Variants in HPS6 observed in about 807,000 individuals in gnomAD.
HPS6 encodes BLOC-2 complex member HPS6.
HPS6 carries 46 observed loss-of-function variants against 53.6 expected under a neutral mutation model. The observed-to-expected ratio is 0.86, with a 90% confidence interval of 0.68 to 1.10. The LOEUF (loss-of-function observed/expected upper bound fraction) is 1.10, where lower values mean the gene tolerates loss of function less well. Ranked by LOEUF, HPS6 falls within the 50% of genes least tolerant of loss-of-function variation. The pLI is 0.00. For missense variants in HPS6, 1,034 were observed against 991.3 expected, an observed-to-expected ratio of 1.04 and a Z score of -0.58; for synonymous variants, 535 against 470.8, an observed-to-expected ratio of 1.14 and a Z score of -1.77.
In HPS6 at chr10:102,066,162, G is replaced by GC; in HGVS notation, c.692dup (p.Arg232ThrfsTer8). On this transcript the variant is annotated frameshift_variant, in exon 1 of 1. Transcript: ENST00000299238. LOFTEE classifies it high-confidence loss of function. ...AGGCAAGGGCAAAGTGATGGTGGCT[G>GC]CCCCACGGCTTGGTCTCTCCTACAG... 1 of 1,613,832 alleles carries GC rather than the reference G, an allele frequency of 6.2e-7. No individual in the cohort carries two copies. The highest frequency in any genetic ancestry group is 1.1e-5 in the South Asian group (1 of 91,080).
Position 102,067,545 on chromosome 10 carries a change from C to G in HPS6, c.2071C>G (p.Leu691Val). Residue 691 changes from leucine (L) to valine (V), a missense_variant, in exon 1 of 1, where the codon CTT (leucine) becomes GTT (valine). Physicochemically the swap from Leu to Val is conservative, Grantham distance 32. Transcript: ENST00000299238. ...CCGGCTTGATGCTCACCTCCCCCTC[C>G]TTTGCCGCCTGTGCCCACCAGAACT... The part of the protein sequence containing the change: ...HRRLDAHLPL[L>V]CRLCPPELAP... 6.2e-7 allele frequency: 1 copy of G among 1,613,746 alleles called. No individual in the cohort carries two copies. The highest frequency in any genetic ancestry group is 8.5e-7 in the Non-Finnish European group (1 of 1,180,046).
rs762013198 is a variant in HPS6, at chr10:102,067,284, C to T, written c.1810C>T (p.Leu604=). The change falls in exon 1 of 1, where the codon CTG becomes TTG. Residue 604 remains leucine (L), a synonymous_variant. Coordinates refer to ENST00000299238, the MANE Select transcript of HPS6 (RefSeq NM_024747.6). ...GGGGGCAGGGGGCCCAGGACTGCCC[C>T]TGTATCGCCGAGCTCTGGCAGTGCT... ...GWGAGGPGLP[L]YRRALAVLGE... is the part of the protein sequence containing the mutation. The T allele has an allele frequency of 6.2e-7, 1 of 1,613,006 alleles. No individual in the cohort carries two copies. The highest frequency in any genetic ancestry group is 1.1e-5 in the South Asian group (1 of 91,072).
Position 102,065,631 on chromosome 10 carries a change from GC to G in HPS6, c.161del (p.Pro54HisfsTer4). On this transcript the variant is annotated frameshift_variant, in exon 1 of 1. Transcript: ENST00000299238. LOFTEE classifies it high-confidence loss of function. The part of the protein sequence containing the change: ...LLLLRPPGAV[A>X]PQLLVASRGP... ...GCTCCTGCGACCCCCTGGGGCGGTA[GC>G]CCCACAGCTGCTAGTCGCGTCGCGA... 6.4e-7 allele frequency: 1 copy of G among 1,550,626 alleles called. No individual in the cohort carries two copies. Among genetic ancestry groups the G allele is most frequent in the Non-Finnish European group, 8.6e-7 (1 of 1,160,070 alleles).
At position 102,066,241 on chromosome 10, in the gene HPS6, G is replaced by C; in HGVS notation, c.767G>C (p.Arg256Pro). The C allele has an allele frequency of 1.9e-6, 3 of 1,613,900 alleles. No homozygotes were observed. Among genetic ancestry groups the C allele is most frequent in the Non-Finnish European group, 2.5e-6 (3 of 1,180,010 alleles). The change falls in exon 1 of 1, where the codon CGA becomes CCA. Residue 256 changes from arginine (R) to proline (P), a missense_variant. By Grantham distance (103) the Arg-to-Pro change is moderately radical. Transcript: ENST00000299238. ...ACATGGGACTTCCGGACCCTGCTCCGAGGCCTTCCTGGGTTGCTGTCCCCC... is the reference window on the plus strand; with the variant it reads ...ACATGGGACTTCCGGACCCTGCTCCCAGGCCTTCCTGGGTTGCTGTCCCCC... ...GDTWDFRTLLRGLPGLLSPRE... is the reference protein window; with the variant it reads ...GDTWDFRTLLPGLPGLLSPRE...
chr10:102,065,807 C>G lies in HPS6; in HGVS notation c.333C>G (p.Gly111=). The G allele has an allele frequency of 2.0e-6, 3 of 1,485,056 alleles. No homozygotes were observed. The highest frequency in any genetic ancestry group is 1.8e-6 in the Non-Finnish European group (2 of 1,128,204). The allele number at this position is 1,485,056 out of a possible 1,614,324, so 92.0% of individuals were successfully genotyped here. ...TGTGGGGCGCGGGCGTGGGGCCTGG[C>G]TGGCGGCCGCTGCAGAGCACCGAGC... ...AEVWGAGVGP[G]WRPLQSTELC... The change falls in exon 1 of 1, where the codon GGC becomes GGG. Residue 111 remains glycine (G), a synonymous_variant. Transcript: ENST00000299238.
rs2067959118 is a variant in HPS6 at position 102,065,367 on chromosome 10, C to T, written c.-108C>T. The T allele has an allele frequency of 1.7e-6, 2 of 1,188,314 alleles. No homozygotes were observed. The highest frequency in any genetic ancestry group is 1.5e-5 in the South Asian group (1 of 65,238). The allele number at this position is 1,188,314 out of a possible 1,614,324, so 73.6% of individuals were successfully genotyped here. A position where few individuals can be genotyped will look rare whatever the true frequency, so the allele number is the denominator to read the frequency against. ...GCCCGGCCTCTGCTCACCTCATCCACGGGAGACGGAAGTCTTGGCCCTGCT... is the reference window on the plus strand; with the variant it reads ...GCCCGGCCTCTGCTCACCTCATCCATGGGAGACGGAAGTCTTGGCCCTGCT... On this transcript the variant is annotated 5_prime_UTR_variant, in exon 1 of 1. In the 5' UTR this introduces an upstream ATG that the reference lacks. Coordinates refer to ENST00000299238, the MANE Select transcript of HPS6 (RefSeq NM_024747.6).
rs2067964158 is a variant in HPS6 at position 102,065,819 on chromosome 10, G to A, written c.345G>A (p.Leu115=). The A allele has an allele frequency of 6.6e-7, 1 of 1,508,866 alleles. No homozygotes were observed. 93.5% of individuals were successfully genotyped at this position (1,508,866 alleles called of 1,614,324 possible). A position where few individuals can be genotyped will look rare whatever the true frequency, so the allele number is the denominator to read the frequency against. The change falls in exon 1 of 1, where the codon CTG becomes CTA. Residue 115 remains leucine, a synonymous_variant. Transcript: ENST00000299238. ...GAGVGPGWRP[L]QSTELCPGGG... Reference sequence around the variant, plus strand: ...GCGTGGGGCCTGGCTGGCGGCCGCTGCAGAGCACCGAGCTGTGTCCGGGCG... The same window carrying A: ...GCGTGGGGCCTGGCTGGCGGCCGCTACAGAGCACCGAGCTGTGTCCGGGCG...
In HPS6 at chr10:102,065,855, C is replaced by T; in HGVS notation, c.381C>T (p.Arg127=). ...AGCTGTGTCCGGGCGGGGGAGCCCGCGTTGTGGCAGTGGCGGCGCTCCGAG... is the reference window on the plus strand; with the variant it reads ...AGCTGTGTCCGGGCGGGGGAGCCCGTGTTGTGGCAGTGGCGGCGCTCCGAG... ...STELCPGGGA[R]VVAVAALRGR... is the part of the protein sequence containing the mutation. The change falls in exon 1 of 1, where the codon CGC becomes CGT. Residue 127 remains arginine (R), a synonymous_variant. Coordinates refer to ENST00000299238, the MANE Select transcript of HPS6 (RefSeq NM_024747.6). The T allele has an allele frequency of 6.6e-7, 1 of 1,524,070 alleles. No individual in the cohort carries two copies. The highest frequency in any genetic ancestry group is 2.4e-5 in the East Asian group (1 of 40,838). 94.4% of individuals were successfully genotyped at this position (1,524,070 alleles called of 1,614,324 possible).
chr10:102,065,518 C>T lies in HPS6; in HGVS notation c.44C>T (p.Ala15Val), dbSNP rs764430976. The T allele has an allele frequency of 1.3e-6, 2 of 1,554,730 alleles. No homozygotes were observed. Among genetic ancestry groups the T allele is most frequent in the East Asian group, 2.4e-5 (1 of 40,830 alleles). ...CTGCGGCTGCTCTCGGACCTGAGCG[C>T]CTTCGGCGGCGCGGCGCGGCTCCGG... ...GTLRLLSDLS[A>V]FGGAARLREL... Residue 15 changes from alanine to valine, a missense_variant, in exon 1 of 1, where the codon GCC becomes GTC. Ala to Val is a moderately conservative substitution (Grantham distance 64). Coordinates refer to ENST00000299238, the MANE Select transcript of HPS6 (RefSeq NM_024747.6).
In HPS6 at chr10:102,067,830, G is replaced by A. The variant is rs750368628; in HGVS notation, c.*28G>A. 6.2e-7 allele frequency: 1 copy of A among 1,612,010 alleles called. No individual in the cohort carries two copies. Among genetic ancestry groups the A allele is most frequent in the Admixed American group, 1.7e-5 (1 of 60,018 alleles). ...ACCCTTCAGGCATCAGAACACTCAG[G>A]GCCTGGAGGCTTGCTTGGGACTGGA... On this transcript the variant is annotated 3_prime_UTR_variant, in exon 1 of 1. Transcript: ENST00000299238.
rs1371669887 is a variant in HPS6, at chr10:102,066,088, C to T, written c.614C>T (p.Thr205Ile). ...ASCRQLFLVP[T>I]ATTWPGVAHV... ...TGCAGACAACTCTTCCTGGTGCCCA[C>T]TGCCACCACCTGGCCTGGCGTGGCC... The change falls in exon 1 of 1, where the codon ACT (threonine) becomes ATT (isoleucine). Residue 205 changes from threonine (T) to isoleucine (I), a missense_variant. Physicochemically the swap from Thr to Ile is moderately conservative, Grantham distance 89. Coordinates refer to ENST00000299238, the MANE Select transcript of HPS6 (RefSeq NM_024747.6). 1.2e-6 allele frequency: 2 copies of T among 1,613,154 alleles called. No homozygotes were observed. The highest frequency in any genetic ancestry group is 1.7e-6 in the Non-Finnish European group (2 of 1,180,044).
chr10:102,067,886 G>A lies in HPS6; in HGVS notation c.*84G>A. 1 of 1,483,326 alleles carries A rather than the reference G, an allele frequency of 6.7e-7. No individual in the cohort carries two copies. Among genetic ancestry groups the A allele is most frequent in the Non-Finnish European group, 9.4e-7 (1 of 1,062,652 alleles). The allele number at this position is 1,483,326 out of a possible 1,614,324, so 91.9% of individuals were successfully genotyped here. A position where few individuals can be genotyped will look rare whatever the true frequency, so the allele number is the denominator to read the frequency against. On this transcript the variant is annotated 3_prime_UTR_variant, in exon 1 of 1. Coordinates refer to ENST00000299238, the MANE Select transcript of HPS6 (RefSeq NM_024747.6). Reference sequence around the variant, plus strand: ...GCTTGGACAGTTCCTCTGTGTCACTGACACAGGAAATCATTTCTAGGACAC... The same window carrying A: ...GCTTGGACAGTTCCTCTGTGTCACTAACACAGGAAATCATTTCTAGGACAC...
Position 102,065,626 on chromosome 10 carries a change from C to A in HPS6, c.152C>A (p.Ala51Glu). Reference protein sequence around the residue: ...RHLLLLRPPGAVAPQLLVASR... With the variant: ...RHLLLLRPPGEVAPQLLVASR... ...TTGCTGCTCCTGCGACCCCCTGGGGCGGTAGCCCCACAGCTGCTAGTCGCG... is the reference window on the plus strand; with the variant it reads ...TTGCTGCTCCTGCGACCCCCTGGGGAGGTAGCCCCACAGCTGCTAGTCGCG... Residue 51 changes from alanine to glutamate, a missense_variant, in exon 1 of 1, where the codon GCG becomes GAG. Coordinates refer to ENST00000299238, the MANE Select transcript of HPS6 (RefSeq NM_024747.6). 1.3e-6 allele frequency: 2 copies of A among 1,552,936 alleles called. No individual in the cohort carries two copies. The highest frequency in any genetic ancestry group is 8.6e-7 in the Non-Finnish European group (1 of 1,161,170).
chr10:102,066,922 C>A lies in HPS6; in HGVS notation c.1448C>A (p.Thr483Asn). The A allele has an allele frequency of 6.2e-7, 1 of 1,614,196 alleles. No individual in the cohort carries two copies. Among genetic ancestry groups the A allele is most frequent in the Non-Finnish European group, 8.5e-7 (1 of 1,180,032 alleles). ...GGGGATGATGAGGAGGCTGGTTGGACTGAGCTGGCGGAGCAGGAAGTGGCA... is the reference window on the plus strand; with the variant it reads ...GGGGATGATGAGGAGGCTGGTTGGAATGAGCTGGCGGAGCAGGAAGTGGCA... ...VAGDDEEAGW[T>N]ELAEQEVARL... Residue 483 changes from threonine to asparagine, a missense_variant, in exon 1 of 1, where the codon ACT becomes AAT. Thr to Asn is a moderately conservative substitution (Grantham distance 65). Transcript: ENST00000299238.
chr10:102,065,478 A>T lies in HPS6; in HGVS notation c.4A>T (p.Lys2Ter). ...CGCGCTCCCGCGCAGCGGCGCCATGAAGCGCTCGGGGACTCTGCGGCTGCT... is the reference window on the plus strand; with the variant it reads ...CGCGCTCCCGCGCAGCGGCGCCATGTAGCGCTCGGGGACTCTGCGGCTGCT... M[K>*]RSGTLRLLSD... The change falls in exon 1 of 1, where the codon AAG becomes TAG. Residue 2 changes from lysine (K) to a stop codon, truncating the protein, a stop_gained. Transcript: ENST00000299238. LOFTEE classifies it low-confidence loss of function (END_TRUNC). 2 of 1,557,118 alleles carry T rather than the reference A, an allele frequency of 1.3e-6. No homozygotes were observed. Among genetic ancestry groups the T allele is most frequent in the Non-Finnish European group, 1.7e-6 (2 of 1,163,186 alleles).
chr10:102,065,939 A>AGCAGCCGCTT lies in HPS6; in HGVS notation c.466_475dup (p.Phe159CysfsTer20), dbSNP rs1462863412. 33 of 1,577,534 alleles carry AGCAGCCGCTT rather than the reference A, an allele frequency of 2.1e-5. No homozygotes were observed. The highest frequency in any genetic ancestry group is 2.7e-5 in the Non-Finnish European group (32 of 1,171,326). ...GGGCCGAGGGCCCGTCAGGGTCGCC[A>AGCAGCCGCTT]GCAGCCGCTTTCAGCCACTGTGTGT... On this transcript the variant is annotated frameshift_variant, in exon 1 of 1. Transcript: ENST00000299238. LOFTEE classifies it high-confidence loss of function.
chr10:102,065,623 G>T lies in HPS6; in HGVS notation c.149G>T (p.Gly50Val). 1 of 1,554,106 alleles carries T rather than the reference G, an allele frequency of 6.4e-7. No individual in the cohort carries two copies. The highest frequency in any genetic ancestry group is 2.4e-5 in the East Asian group (1 of 40,832). Residue 50 changes from glycine (G) to valine (V), a missense_variant, in exon 1 of 1, where the codon GGG (glycine) becomes GTG (valine). Coordinates refer to ENST00000299238, the MANE Select transcript of HPS6 (RefSeq NM_024747.6). Reference protein sequence around the residue: ...GRHLLLLRPPGAVAPQLLVAS... With the variant: ...GRHLLLLRPPVAVAPQLLVAS... ...CACTTGCTGCTCCTGCGACCCCCTG[G>T]GGCGGTAGCCCCACAGCTGCTAGTC...
chr10:102,066,032 C>T lies in HPS6; in HGVS notation c.558C>T (p.His186=), dbSNP rs2067966743. The change falls in exon 1 of 1, where the codon CAC becomes CAT. Residue 186 remains histidine, a synonymous_variant. Transcript: ENST00000299238. The part of the protein sequence containing the change: ...TSLGRTHVLL[H]HCPAFGLLAS... ...TGGGCCGCACACACGTCCTGCTGCA[C>T]CACTGCCCTGCCTTCGGGCTGCTGG... 1 of 1,607,650 alleles carries T rather than the reference C, an allele frequency of 6.2e-7. No individual in the cohort carries two copies. Among genetic ancestry groups the T allele is most frequent in the Non-Finnish European group, 8.5e-7 (1 of 1,179,984 alleles).
chr10:102,067,723 C>A lies in HPS6; in HGVS notation c.2249C>A (p.Ser750Ter). Residue 750 changes from serine to a stop codon, truncating the protein, a stop_gained, in exon 1 of 1, where the codon TCG becomes TAG. Coordinates refer to ENST00000299238, the MANE Select transcript of HPS6 (RefSeq NM_024747.6). LOFTEE classifies it high-confidence loss of function. ...CAGACTGGGGCTCAAGGATGGCTGT[C>A]GGGCCCAGTTCTAAGCCCATATGAG... ...LEQTGAQGWLSGPVLSPYEDI... is the reference protein window; with the variant it reads ...LEQTGAQGWL The A allele has an allele frequency of 6.2e-7, 1 of 1,613,402 alleles. No homozygotes were observed. The highest frequency in any genetic ancestry group is 8.5e-7 in the Non-Finnish European group (1 of 1,180,000).
Sources: allele counts gnomAD v4.1 joint callset, GRCh38; gene constraint gnomAD v4.1.1; transcripts MANE v1.5; gene names NCBI Gene and HGNC (gene_info 2026-07-23, HGNC 2026-07-21).